Variants in PPFIA4 observed in about 807,000 individuals in gnomAD.
The protein encoded by PPFIA4 is PPFI scaffold protein A4, also known as liprin-alpha-4.
A neutral mutation model predicts 145.7 loss-of-function variants in PPFIA4; 98 were observed. The observed-to-expected ratio is 0.67, with a 90% CI of 0.57 to 0.80. The LOEUF (loss-of-function observed/expected upper bound fraction) is 0.80. Ranked by LOEUF, PPFIA4 falls within the 30% of genes least tolerant of loss-of-function variation. The pLI is 0.00. For synonymous variants in PPFIA4, 628 were observed against 649.6 expected (o/e 0.97, Z 0.51); for missense variants, 1,457 against 1,632.7 (o/e 0.89, Z 1.85).
chr1:203,075,923 A>C lies in PPFIA4; in HGVS notation c.3574+166A>C, dbSNP rs900902568. The C allele has an allele frequency of 1.4e-6, 1 of 702,462 alleles. No homozygotes were observed. The highest frequency in any genetic ancestry group is 2.1e-6 in the Non-Finnish European group (1 of 475,448). The allele number at this position is 702,462 out of a possible 1,614,324, so 43.5% of individuals were successfully genotyped here. A position where few individuals can be genotyped will look rare whatever the true frequency, so the allele number is the denominator to read the frequency against. ...CCGCGGGGAGCGTGTGTGCGCACTA[A>C]CCCGCCGCTCTGTGTGTTCTCCCGC... On this transcript the variant is annotated intron_variant, in intron 29 of 29. Transcript: ENST00000295706. This position sits in a 1 kb window ranked among gnomAD's most constrained non-coding sequence, Gnocchi z 4.1.
At chr1:203,065,262 C>T (rs982580138) in intron 25 of PPFIA4, among the ~76,000 whole-genome samples, 4 of 152,170 alleles carry the variant, frequency 2.6e-5, no homozygotes, top group Non-Finnish European at 4.4e-5. Flanking sequence ...GCCTATGTGA[C>T]CCCAGCATGA....
chr1:203,033,573 G>A (rs980512492), intron 1 of PPFIA4, among the ~76,000 whole-genome samples: 2 of 152,172 alleles, frequency 1.3e-5, no homozygotes, highest in Non-Finnish European at 2.9e-5. Context: ...CACAGAGGTT[G>A]GGGAATGGAA....
Position 203,045,981 on chromosome 1 carries a change from C to T in PPFIA4, c.999C>T (p.His333=). Residue 333 remains histidine, a synonymous_variant, in exon 8 of 30, where the codon CAC becomes CAT. Coordinates refer to ENST00000295706, the MANE Select transcript of PPFIA4 (RefSeq NM_001304331.2). ...AGCTGGCCAACAAGGAGTCCCTGCACCGCCAGGTACCTCCTCAGGGTGGGG... is the reference window on the plus strand; with the variant it reads ...AGCTGGCCAACAAGGAGTCCCTGCATCGCCAGGTACCTCCTCAGGGTGGGG... ...ENELANKESL[H]RQCEEKARHL... 1.9e-6 allele frequency: 3 copies of T among 1,612,654 alleles called. No individual in the cohort carries two copies. The South Asian group carries it at 3.3e-5, about 18-fold the overall frequency.
At position 203,053,816 on chromosome 1, in the gene PPFIA4, G is replaced by T; in HGVS notation, c.1684G>T (p.Asp562Tyr). ...GGCAGCTGGCCCTGCCTTTGACAGT[G>T]ACCCTGAGATCTCCGACGTGGATGA... Reference protein sequence around the residue: ...APAAGPAFDSDPEISDVDEDE... With the variant: ...APAAGPAFDSYPEISDVDEDE... The change falls in exon 15 of 30, where the codon GAC becomes TAC. Residue 562 changes from aspartate to tyrosine, a missense_variant. Asp to Tyr is a radical substitution (Grantham distance 160). Transcript: ENST00000295706. The T allele has an allele frequency of 1.3e-6, 2 of 1,553,384 alleles. No individual in the cohort carries two copies. The highest frequency in any genetic ancestry group is 1.2e-5 in the South Asian group (1 of 84,122).
rs1451244495 is a variant in PPFIA4 at position 203,044,044 on chromosome 1, GC to G, written c.451del (p.Leu151Ter). 1 of 1,611,788 alleles carries G rather than the reference GC, an allele frequency of 6.2e-7. No individual in the cohort carries two copies. The highest frequency in any genetic ancestry group is 8.5e-7 in the Non-Finnish European group (1 of 1,179,412). ...PSGVSSEVEV[L>X]KALKSLFEHH... ...CGGGGGTCTCCAGTGAGGTGGAGGT[GC>G]TGAAGGCCCTCAAGTCACTGTTTGA... On this transcript the variant is annotated frameshift_variant, in exon 4 of 30. Coordinates refer to ENST00000295706, the MANE Select transcript of PPFIA4 (RefSeq NM_001304331.2). LOFTEE classifies it high-confidence loss of function.
intron 13 of PPFIA4, among the ~76,000 whole-genome samples, 182 bp downstream of exon 13, chr1:203,049,949 A>G (rs1660380814): frequency 6.6e-6 from 1 of 152,180 alleles, no homozygotes; most frequent in Non-Finnish European, 1.5e-5. Flanking sequence ...TTTGGGAGGG[A>G]ACACCTGTCC....
At chr1:203,046,631 G>T in intron 9 of PPFIA4, 1 of 366,406 alleles carries the variant, frequency 2.7e-6, no homozygotes, top group Non-Finnish European at 4.9e-6. Flanking sequence ...AGGAGAAGAA[G>T]CTATGTTGAT....
At chr1:203,049,864 G>A in intron 13 of PPFIA4, 97 bp downstream of exon 13, 1 of 1,076,836 alleles carries the variant, frequency 9.3e-7, no homozygotes, top group Non-Finnish European at 1.3e-6. Context: ...CAGGACCTCA[G>A]GGTCCTCCTC....
Position 203,067,289 on chromosome 1 carries a change from G to T in PPFIA4, c.3051-406G>T, listed in dbSNP as rs144728276. Among the ~76,000 whole-genome samples, 728 of 152,324 alleles carry T rather than the reference G, an allele frequency of 4.8e-3. 4 individuals are homozygous for T. The highest frequency in any genetic ancestry group is 0.016 in the South Asian group (75 of 4,830). Reference sequence around the variant, plus strand: ...TAAATGGGTAGTGGAGCAGATCATGGAGTATCTTATAGGCCATTGTAAGGA... The same window carrying T: ...TAAATGGGTAGTGGAGCAGATCATGTAGTATCTTATAGGCCATTGTAAGGA... On this transcript the variant is annotated intron_variant, in intron 25 of 29. Coordinates refer to ENST00000295706, the MANE Select transcript of PPFIA4 (RefSeq NM_001304331.2).
Position 203,056,102 on chromosome 1 carries a change from C to T in PPFIA4, c.2071-18C>T, listed in dbSNP as rs951697049. ...CCCAGAGGGTGAGTCTGAGCTTACC[C>T]ATCCCTCTCTCTTGCAGCCCAGTGA... On this transcript the variant is annotated intron_variant, in intron 16 of 29. Coordinates refer to ENST00000295706, the MANE Select transcript of PPFIA4 (RefSeq NM_001304331.2). 6.2e-7 allele frequency: 1 copy of T among 1,613,940 alleles called. No homozygotes were observed.
chr1:203,048,695 T>C lies in PPFIA4; in HGVS notation c.1337T>C (p.Met446Thr), dbSNP rs746334825. Residue 446 changes from methionine (M) to threonine (T), a missense_variant, in exon 11 of 30, where the codon ATG (methionine) becomes ACG (threonine). Physicochemically the swap from Met to Thr is moderately conservative, Grantham distance 81 (BLOSUM62 -1). Coordinates refer to ENST00000295706, the MANE Select transcript of PPFIA4 (RefSeq NM_001304331.2). The surrounding 1 kb of genome is among the most constrained non-coding windows in gnomAD (Gnocchi z 5.8). ...CTGCAGCTCCACCTGAAGGAGCGCATGGCTGCCCTGGAGGAGAAGGTGCCC... is the reference window on the plus strand; with the variant it reads ...CTGCAGCTCCACCTGAAGGAGCGCACGGCTGCCCTGGAGGAGAAGGTGCCC... Reference protein sequence around the residue: ...ERLQLHLKERMAALEEKNTLI... With the variant: ...ERLQLHLKERTAALEEKNTLI... 1 of 1,578,402 alleles carries C rather than the reference T, an allele frequency of 6.3e-7. No homozygotes were observed. Among genetic ancestry groups the C allele is most frequent in the South Asian group, 1.1e-5 (1 of 90,094 alleles).
In PPFIA4 at chr1:203,077,123, T is replaced by A. The variant is rs1231738096; in HGVS notation, c.*733T>A. The A allele has an allele frequency of 6.6e-6, 1 of 152,152 alleles. No homozygotes were observed. Among genetic ancestry groups the A allele is most frequent in the Admixed American group, 6.5e-5 (1 of 15,280 alleles). The allele number at this position is 152,152 out of a possible 1,614,324, so 9.4% of individuals were successfully genotyped here. ...CTGAGCTCTGAGCCAAGGGTGAGGA[T>A]GGGGAAACTCTAAGCTCCCACCTAA... On this transcript the variant is annotated 3_prime_UTR_variant, in exon 30 of 30. Transcript: ENST00000295706.
Position 203,053,865 on chromosome 1 carries a change from G to A in PPFIA4, c.1733G>A (p.Gly578Asp). 2.6e-6 allele frequency: 4 copies of A among 1,557,818 alleles called. No homozygotes were observed. Among genetic ancestry groups the A allele is most frequent in the Non-Finnish European group, 3.5e-6 (4 of 1,150,334 alleles). The change falls in exon 15 of 30, where the codon GGC becomes GAC. Residue 578 changes from glycine (G) to aspartate (D), a missense_variant. Physicochemically the swap from Gly to Asp is moderately conservative, Grantham distance 94 (BLOSUM62 -1). Coordinates refer to ENST00000295706, the MANE Select transcript of PPFIA4 (RefSeq NM_001304331.2). ...GAGGATGAGCCAGGGGGTCTGGTGG[G>A]CTCTGCGGATGTTGTCTCCCCCAGC... is the stretch of plus-strand genomic sequence containing the variant. ...VDEDEPGGLV[G>D]SADVVSPSGH...
At chr1:203,033,045 G>T (rs758699096) in intron 1 of PPFIA4, among the ~76,000 whole-genome samples, 5 of 152,224 alleles carry the variant, frequency 3.3e-5, no homozygotes, top group Non-Finnish European at 7.3e-5. Flanking sequence ...CGTGTCCCCT[G>T]AATGAGCCTG....
At chr1:203,049,419 G>A (rs1660330287) in intron 12 of PPFIA4, among the ~76,000 whole-genome samples, 1 of 152,158 alleles carries the variant, frequency 6.6e-6, no homozygotes, top group Non-Finnish European at 1.5e-5. Flanking sequence ...GCAGGCCTAG[G>A]CTAGCAGAGC....
At position 203,043,913 on chromosome 1, in the gene PPFIA4, C is replaced by T. The variant is rs748827359; in HGVS notation, c.337-18C>T. 6.3e-7 allele frequency: 1 copy of T among 1,584,330 alleles called. No individual in the cohort carries two copies. The highest frequency in any genetic ancestry group is 1.2e-5 in the South Asian group (1 of 86,520). ...GCTTACAGCCCTCCCTCTCACCCTC[C>T]CCTGCTCTCCCTGCCAGCTGCTTCT... On this transcript the variant is annotated intron_variant, in intron 3 of 29. Transcript: ENST00000295706. The surrounding 1 kb of genome is among the most constrained non-coding windows in gnomAD (Gnocchi z 4.4).
At position 203,053,751 on chromosome 1, in the gene PPFIA4, A is replaced by G; in HGVS notation, c.1621-2A>G. ...ACTCCTTTACCCTCCTCCTTTGCTA[A>G]GGACTGGGAGACTTCTCCACTGCCT... is the stretch of plus-strand genomic sequence containing the variant. On this transcript the variant is annotated splice_acceptor_variant, in intron 14 of 29. Transcript: ENST00000295706. LOFTEE classifies it high-confidence loss of function. The G allele has an allele frequency of 5.2e-6, 8 of 1,550,190 alleles. No homozygotes were observed. Among genetic ancestry groups the G allele is most frequent in the South Asian group, 1.2e-5 (1 of 83,992 alleles).
intron 27 of PPFIA4, among the ~76,000 whole-genome samples, chr1:203,070,795 T>G (rs1333934240): frequency 2.0e-5 from 3 of 152,198 alleles, no homozygotes; most frequent in East Asian, 3.9e-4. Flanking sequence ...TCAGATATAT[T>G]TATTTAATCC....
In PPFIA4 at chr1:203,075,735, G is replaced by A; in HGVS notation, c.3552G>A (p.Pro1184=). ...TLGTLQPPPA[P]PKKIMPEAHS... ...GGACCCTGCAGCCCCCACCGGCCCC[G>A]CCAAAGAAGATCATGCCTGAAGGTG... The change falls in exon 29 of 30, where the codon CCG becomes CCA. Residue 1184 remains proline, a synonymous_variant. Transcript: ENST00000295706. This position sits in a 1 kb window ranked among gnomAD's most constrained non-coding sequence, Gnocchi z 4.1. 7 of 1,378,244 alleles carry A rather than the reference G, an allele frequency of 5.1e-6. No homozygotes were observed. Among genetic ancestry groups the A allele is most frequent in the South Asian group, 3.5e-5 (2 of 57,632 alleles). The allele number at this position is 1,378,244 out of a possible 1,614,324, so 85.4% of individuals were successfully genotyped here. A position where few individuals can be genotyped will look rare whatever the true frequency, so the allele number is the denominator to read the frequency against.
Sources: allele counts gnomAD v4.1 joint callset (sites outside exome capture counted in the v4.1 genomes callset), GRCh38; gene constraint gnomAD v4.1.1; non-coding constraint Gnocchi (gnomAD v3.1); transcripts MANE v1.5; gene names NCBI Gene and HGNC (gene_info 2026-07-23, HGNC 2026-07-21).